Variants in PAN3 observed in about 807,000 individuals in gnomAD.
PAN3 encodes poly(A) specific ribonuclease subunit PAN3.
In PAN3, 19 loss-of-function variants were observed where a neutral mutation model predicts 96.2. That is an observed-to-expected ratio of 0.20 (90% CI 0.14 to 0.29). PAN3 has a LOEUF of 0.29. Among genes scored for constraint, PAN3 ranks in the 10% least tolerant of loss-of-function variants. The pLI, the probability that PAN3 is intolerant of heterozygous loss-of-function variation, is 1.00. For synonymous variants in PAN3, 433 were observed against 406.6 expected, an observed-to-expected ratio of 1.06 and a Z score of -0.78; for missense variants, 882 against 1,108.1, an observed-to-expected ratio of 0.80 and a Z score of 2.90.
chr13:28,274,493 A>AT (rs1399374739), intron 14 of PAN3, among the ~76,000 whole-genome samples: 16 of 151,468 alleles, frequency 1.1e-4, no homozygotes, highest in Admixed American at 6.6e-4. Flanking sequence ...CCGTGTCTGC[A>AT]TTAAAAAAAA....
chr13:28,226,087 G>C (rs1881976161), intron 6 of PAN3, among the ~76,000 whole-genome samples: 1 of 152,134 alleles, frequency 6.6e-6, no homozygotes, highest in Non-Finnish European at 1.5e-5. Context: ...ATGAATCTAT[G>C]GTCTTGAAGA....
intron 6 of PAN3, among the ~76,000 whole-genome samples, chr13:28,234,434 A>G (rs1882889985): frequency 6.6e-6 from 1 of 152,210 alleles, no homozygotes; most frequent in Non-Finnish European, 1.5e-5. Flanking sequence ...ATGATTATGA[A>G]GATACTATTG....
At chr13:28,169,977 G>A (rs903724785) in intron 1 of PAN3, among the ~76,000 whole-genome samples, 8 of 152,076 alleles carry the variant, frequency 5.3e-5, no homozygotes, top group Admixed American at 1.3e-4. Context: ...AACCTGGGAG[G>A]CAGAGTTTGC....
intron 1 of PAN3, among the ~76,000 whole-genome samples, chr13:28,159,034 G>A (rs1010264806): frequency 1.3e-5 from 2 of 152,180 alleles, no homozygotes; most frequent in Admixed American, 1.3e-4. Context: ...TACACTGCTA[G>A]TGGGGAAAGC....
chr13:28,194,541 G>T (rs1189807179), intron 4 of PAN3, among the ~76,000 whole-genome samples: 1 of 147,334 alleles, frequency 6.8e-6, no homozygotes, highest in Non-Finnish European at 1.5e-5. Context: ...CGTGATCTCG[G>T]CTCAATGCAA....
In PAN3 at chr13:28,292,565, C is replaced by T; in HGVS notation, c.*43C>T. On this transcript the variant is annotated 3_prime_UTR_variant, in exon 19 of 19. Coordinates refer to ENST00000380958, the MANE Select transcript of PAN3 (RefSeq NM_175854.8). ...CGCAGGACATGGCTAAAGACCTTAA[C>T]CAATAGCAAATTGCACTACAGCTGA... 1 of 1,552,204 alleles carries T rather than the reference C, an allele frequency of 6.4e-7. No individual in the cohort carries two copies. Among genetic ancestry groups the T allele is most frequent in the Non-Finnish European group, 8.7e-7 (1 of 1,149,712 alleles).
Position 28,194,016 on chromosome 13 carries a change from G to T in PAN3, c.691-3169G>T, listed in dbSNP as rs763936434. On this transcript the variant is annotated intron_variant, in intron 4 of 18. Transcript: ENST00000380958. ...TAATAAAAATAGAAAAATTAGCCAG[G>T]TGTGGTGGCAGGCGTCTGTAATCCC... Among the ~76,000 whole-genome samples the T allele has an allele frequency of 7.4e-4, 113 of 151,898 alleles. 1 individual carries two copies. Among genetic ancestry groups the T allele is most frequent in the Non-Finnish European group, 1.4e-3 (95 of 67,988 alleles).
chr13:28,248,940 T>G (rs1415945084), intron 6 of PAN3, among the ~76,000 whole-genome samples: 1 of 152,224 alleles, frequency 6.6e-6, no homozygotes, highest in Non-Finnish European at 1.5e-5. Context: ...TGGCAAATAT[T>G]TTTTTCAACA....
intron 1 of PAN3, among the ~76,000 whole-genome samples, chr13:28,166,332 C>G (rs572083112): frequency 8.5e-5 from 13 of 152,354 alleles, no homozygotes; most frequent in Admixed American, 2.6e-4. Flanking sequence ...CAAAACCCAG[C>G]AAGGCAAACA....
chr13:28,138,644 G>A lies in PAN3; in HGVS notation c.-14G>A. 1.8e-6 allele frequency: 1 copy of A among 561,226 alleles called. No individual in the cohort carries two copies. The highest frequency in any genetic ancestry group is 2.8e-6 in the Non-Finnish European group (1 of 353,662). 34.8% of individuals were successfully genotyped at this position (561,226 alleles called of 1,614,324 possible). Reference sequence around the variant, plus strand: ...TCCTCGGGCGGCGGCGGAAGACGAGGCTGCGGCGTTGCCATGAACAGTGGC... The same window carrying A: ...TCCTCGGGCGGCGGCGGAAGACGAGACTGCGGCGTTGCCATGAACAGTGGC... On this transcript the variant is annotated 5_prime_UTR_variant, in exon 1 of 19. Transcript: ENST00000380958.
intron 6 of PAN3, among the ~76,000 whole-genome samples, chr13:28,251,951 G>A (rs554164801): frequency 1.3e-5 from 2 of 149,004 alleles, no homozygotes; most frequent in Admixed American, 1.3e-4. Context: ...ACAATGGTGT[G>A]ATCTCGGCTC....
At chr13:28,288,193 A>G (rs1242153590) in intron 18 of PAN3, 71 bp downstream of exon 18, 1 of 1,347,354 alleles carries the variant, frequency 7.4e-7, no homozygotes, top group African/African-American at 1.5e-5. Flanking sequence ...TCTTCTACAA[A>G]TACTAGGAAA....
At chr13:28,199,608 T>G (rs1878465123) in intron 5 of PAN3, among the ~76,000 whole-genome samples, 1 of 152,170 alleles carries the variant, frequency 6.6e-6, no homozygotes, top group Admixed American at 6.5e-5. Context: ...TATTACTGTC[T>G]GTGTAGATTC....
At chr13:28,166,664 T>G (rs892446287) in intron 1 of PAN3, among the ~76,000 whole-genome samples, 10 of 152,198 alleles carry the variant, frequency 6.6e-5, no homozygotes, top group African/African-American at 2.4e-4. Flanking sequence ...CCCTGAGGCT[T>G]TCTGAGGAAT....
At chr13:28,249,614 A>G (rs929663226) in intron 6 of PAN3, among the ~76,000 whole-genome samples, 8 of 151,806 alleles carry the variant, frequency 5.3e-5, no homozygotes, top group African/African-American at 1.9e-4. Flanking sequence ...ACACCTGGCT[A>G]ATTTTTTGTA....
chr13:28,261,604 A>C, intron 9 of PAN3, 146 bp downstream of exon 9: 1 of 569,008 alleles, frequency 1.8e-6, no homozygotes, highest in Non-Finnish European at 2.9e-6. Context: ...AGGCTGAGGC[A>C]GGAGGATTGC....
intron 4 of PAN3, 140 bp from the exon 5 acceptor site, chr13:28,197,045 G>C: frequency 9.8e-7 from 1 of 1,025,166 alleles, no homozygotes; most frequent in Non-Finnish European, 1.3e-6. Context: ...GTGGGTGGTG[G>C]TAAGGATATT....
At chr13:28,244,912 G>T (rs891967072) in intron 6 of PAN3, among the ~76,000 whole-genome samples, 1 of 151,868 alleles carries the variant, frequency 6.6e-6, no homozygotes, top group Non-Finnish European at 1.5e-5. Flanking sequence ...GCAGTGGCGC[G>T]ATCTTGGCTC....
chr13:28,195,675 A>G (rs1877963734), intron 4 of PAN3, among the ~76,000 whole-genome samples: 1 of 152,110 alleles, frequency 6.6e-6, no homozygotes, highest in Non-Finnish European at 1.5e-5. Flanking sequence ...AGCTGGGATT[A>G]CAGACATGTG....
Sources: allele counts gnomAD v4.1 joint callset (sites outside exome capture counted in the v4.1 genomes callset), GRCh38; gene constraint gnomAD v4.1.1; transcripts MANE v1.5; gene names NCBI Gene and HGNC (gene_info 2026-07-23, HGNC 2026-07-21).